GFPT1: variants seen among roughly 807,000 people sequenced by gnomAD.
The protein encoded by GFPT1 is glutamine--fructose-6-phosphate aminotransferase [isomerizing] 1.
In GFPT1, 40 loss-of-function variants were observed where a neutral mutation model predicts 92.0. The observed-to-expected ratio is 0.43, with a 90% CI of 0.34 to 0.57. The LOEUF is 0.57. Among genes scored for constraint, GFPT1 ranks in the 20% least tolerant of loss-of-function variants. The probability of loss-of-function intolerance (pLI) is 0.02; values close to 1 mark genes in which losing one functional copy is unlikely to be tolerated. For synonymous variants in GFPT1, 269 were observed against 280.6 expected, an observed-to-expected ratio of 0.96 and a Z score of 0.41; for missense variants, 448 against 869.1, an observed-to-expected ratio of 0.52 and a Z score of 6.09.
chr2:69,362,205 C>T lies in GFPT1; in HGVS notation c.349+1340G>A, dbSNP rs187900640. Among the ~76,000 whole-genome samples, 445 of 152,272 alleles carry T rather than the reference C, an allele frequency of 2.9e-3. 3 individuals carry two copies. Among genetic ancestry groups the T allele is most frequent in the African/African-American group, 8.4e-3 (350 of 41,566 alleles). ...AGTGCAATGGGGCAATCATGGCTCA[C>T]TGCAGCCTCAACCCCCAGGTTCAGG... On this transcript the variant is annotated intron_variant, in intron 4 of 19. Coordinates refer to ENST00000357308, the MANE Select transcript of GFPT1 (RefSeq NM_001244710.2).
Position 69,324,006 on chromosome 2 carries a change from T to C in GFPT1, c.*2183A>G, listed in dbSNP as rs1229637457. The C allele has an allele frequency of 1.3e-5, 2 of 152,230 alleles. No individual in the cohort carries two copies. The highest frequency in any genetic ancestry group is 4.8e-5 in the African/African-American group (2 of 41,424). The allele number at this position is 152,230 out of a possible 1,614,324, so 9.4% of individuals were successfully genotyped here. A position where few individuals can be genotyped will look rare whatever the true frequency, so the allele number is the denominator to read the frequency against. On this transcript the variant is annotated 3_prime_UTR_variant, in exon 20 of 20. Transcript: ENST00000357308. ...TTTTTGTAAAGACCAGGTCTCACCATGTTGCCCAGGCTGTTCTCCAACTCT... is the reference window on the plus strand; with the variant it reads ...TTTTTGTAAAGACCAGGTCTCACCACGTTGCCCAGGCTGTTCTCCAACTCT...
intron 15 of GFPT1, among the ~76,000 whole-genome samples, chr2:69,331,344 A>C (rs1670658381): frequency 6.6e-6 from 1 of 152,034 alleles, no homozygotes; most frequent in Non-Finnish European, 1.5e-5. Context: ...CTTTATTCAA[A>C]TTGGTTTTAA....
chr2:69,365,072 T>TA (rs1363097944), intron 3 of GFPT1, among the ~76,000 whole-genome samples: 1 of 151,564 alleles, frequency 6.6e-6, no homozygotes, highest in Non-Finnish European at 1.5e-5. Context: ...TGGGGTTTCT[T>TA]AAAAAAATGG....
chr2:69,362,142 G>A (rs745505980), intron 4 of GFPT1, among the ~76,000 whole-genome samples: 16 of 152,148 alleles, frequency 1.1e-4, no homozygotes, highest in African/African-American at 3.6e-4. Context: ...GTCTAGACTT[G>A]TTTTGTTGAG....
At chr2:69,357,483 G>A (rs1348672454) in intron 6 of GFPT1, among the ~76,000 whole-genome samples, 1 of 152,164 alleles carries the variant, frequency 6.6e-6, no homozygotes, top group Non-Finnish European at 1.5e-5. Flanking sequence ...AAAAGGCAAA[G>A]CCTGTTAGAA....
chr2:69,329,381 T>C lies in GFPT1; in HGVS notation c.1641A>G (p.Lys547=), dbSNP rs1670604979. The change falls in exon 17 of 20, where the codon AAA becomes AAG. Residue 547 remains lysine (K), a synonymous_variant. Coordinates refer to ENST00000357308, the MANE Select transcript of GFPT1 (RefSeq NM_001244710.2). ...EVLSMDDEIQ[K]LATELYHQKS... Reference sequence around the variant, plus strand: ...TCTGATGATAAAGTTCTGTTGCTAGTTTCTGAATTTCGTCATCCATGCTCA... The same window carrying C: ...TCTGATGATAAAGTTCTGTTGCTAGCTTCTGAATTTCGTCATCCATGCTCA... 2 of 1,611,432 alleles carry C rather than the reference T, an allele frequency of 1.2e-6. No homozygotes were observed. The highest frequency in any genetic ancestry group is 1.7e-6 in the Non-Finnish European group (2 of 1,177,670).
At chr2:69,329,637 C>G in intron 16 of GFPT1, 47 bp downstream of exon 16, 1 of 1,235,878 alleles carries the variant, frequency 8.1e-7, no homozygotes, top group Non-Finnish European at 1.2e-6. Context: ...TTACCTATTA[C>G]CCACTCCCTT....
intron 1 of GFPT1, among the ~76,000 whole-genome samples, chr2:69,383,230 T>C (rs1672051005): frequency 6.6e-6 from 1 of 152,256 alleles, no homozygotes; most frequent in Non-Finnish European, 1.5e-5. Context: ...TAGAACTTTC[T>C]GGAACCTTTA....
chr2:69,365,959 C>T (rs148479206), intron 3 of GFPT1, among the ~76,000 whole-genome samples: 1,721 of 152,074 alleles, frequency 0.011, 26 homozygotes, highest in Middle Eastern at 0.017. Flanking sequence ...ATTACAGGCA[C>T]GCACCACCAC....
intron 12 of GFPT1, among the ~76,000 whole-genome samples, chr2:69,343,583 T>C (rs1671008841): frequency 6.6e-6 from 1 of 151,522 alleles, no homozygotes; most frequent in South Asian, 2.1e-4. Context: ...AGCTAATTTT[T>C]TTCTATTTTT....
chr2:69,354,393 T>C, intron 8 of GFPT1, 81 bp from the exon 9 acceptor site: 1 of 1,309,428 alleles, frequency 7.6e-7, no homozygotes, highest in South Asian at 1.2e-5. Context: ...GACAGAACTA[T>C]ATATACATGT....
intron 3 of GFPT1, among the ~76,000 whole-genome samples, chr2:69,363,875 G>T (rs1419534517): frequency 6.6e-6 from 1 of 152,194 alleles, no homozygotes; most frequent in Admixed American, 6.5e-5. Flanking sequence ...AGCACTGTGG[G>T]AGGCCGAGGC....
intron 6 of GFPT1, 88 bp downstream of exon 6, chr2:69,358,241 G>T: frequency 1.8e-6 from 2 of 1,119,626 alleles, no homozygotes; most frequent in Non-Finnish European, 1.3e-6. Context: ...TAAAAAAATA[G>T]CACAGTTCCT....
chr2:69,329,361 T>G lies in GFPT1; in HGVS notation c.1661A>C (p.His554Pro). 6.2e-7 allele frequency: 1 copy of G among 1,611,972 alleles called. No individual in the cohort carries two copies. Among genetic ancestry groups the G allele is most frequent in the Admixed American group, 1.7e-5 (1 of 60,022 alleles). Residue 554 changes from histidine to proline, a missense_variant, in exon 17 of 20, where the codon CAT becomes CCT. Physicochemically the swap from His to Pro is moderately conservative, Grantham distance 77 (BLOSUM62 -2). Coordinates refer to ENST00000357308, the MANE Select transcript of GFPT1 (RefSeq NM_001244710.2). ...TCCCATTATCAGAACTGACTTCTGATGATAAAGTTCTGTTGCTAGTTTCTG... is the reference window on the plus strand; with the variant it reads ...TCCCATTATCAGAACTGACTTCTGAGGATAAAGTTCTGTTGCTAGTTTCTG... The part of the protein sequence containing the change: ...EIQKLATELY[H>P]QKSVLIMGRG...
At position 69,320,020 on chromosome 2, in the gene GFPT1, A is replaced by T. The variant is rs1234886471; in HGVS notation, c.*6169T>A. On this transcript the variant is annotated 3_prime_UTR_variant, in exon 20 of 20. Coordinates refer to ENST00000357308, the MANE Select transcript of GFPT1 (RefSeq NM_001244710.2). ...GCCTTAATTGTCTCAGATATCTTCC[A>T]TCTCCTTATGGGCATTACTTGAAGA... The T allele has an allele frequency of 6.6e-6, 1 of 152,212 alleles. No individual in the cohort carries two copies. The highest frequency in any genetic ancestry group is 1.5e-5 in the Non-Finnish European group (1 of 68,032). 9.4% of individuals were successfully genotyped at this position (152,212 alleles called of 1,614,324 possible).
chr2:69,370,498 T>C (rs1164202652), intron 2 of GFPT1, among the ~76,000 whole-genome samples: 1 of 152,180 alleles, frequency 6.6e-6, no homozygotes, highest in Non-Finnish European at 1.5e-5. Flanking sequence ...AGAGTCTCCT[T>C]AAGTTGCTAA....
chr2:69,332,541 C>T (rs1163561129), intron 15 of GFPT1, among the ~76,000 whole-genome samples: 1 of 151,904 alleles, frequency 6.6e-6, no homozygotes, highest in Admixed American at 6.6e-5. Flanking sequence ...TGGTCTTGAA[C>T]TCCTGTCCTC....
At chr2:69,341,433 C>T (rs746404435) in intron 13 of GFPT1, among the ~76,000 whole-genome samples, 1 of 152,090 alleles carries the variant, frequency 6.6e-6, no homozygotes, top group Non-Finnish European at 1.5e-5. Flanking sequence ...ATAAATGGCT[C>T]CTAATAAATA....
intron 12 of GFPT1, among the ~76,000 whole-genome samples, chr2:69,343,337 C>T (rs533859544): frequency 3.9e-5 from 6 of 152,172 alleles, no homozygotes; most frequent in African/African-American, 1.4e-4. Flanking sequence ...GGTACCTCCT[C>T]GTGGGCCTCA....
Sources: gnomAD v4.1 joint callset for allele counts (sites outside exome capture counted in the v4.1 genomes callset) on GRCh38, gnomAD v4.1.1 for gene constraint, MANE v1.5 for transcripts, NCBI Gene and HGNC (gene_info 2026-07-23, HGNC 2026-07-21) for gene names.